KAZN: variants seen among roughly 807,000 people sequenced by gnomAD.
The protein encoded by KAZN is kazrin.
KAZN carries 40 observed loss-of-function variants against 87.4 expected under a neutral mutation model. The ratio of observed to expected loss-of-function variants is 0.46; its 90% CI spans 0.36 to 0.60. The LOEUF is 0.60. Ranked by LOEUF, KAZN falls within the 20% of genes least tolerant of loss-of-function variation. The probability of loss-of-function intolerance (pLI) is 0.00; values close to 1 mark genes in which losing one functional copy is unlikely to be tolerated. For missense variants in KAZN, 898 were observed against 1,073.9 expected (o/e 0.84, Z 2.29); for synonymous variants, 466 against 458.3 (o/e 1.02, Z -0.22).
chr1:14,586,767 C>T (rs1298208638), intron 2 of KAZN, among the ~76,000 whole-genome samples: 1 of 152,042 alleles, frequency 6.6e-6, no homozygotes, highest in Admixed American at 6.6e-5. Context: ...CTCAAACTCT[C>T]GGGCTCAAGT....
At chr1:14,281,374 G>A (rs898292307) in intron 2 of KAZN, among the ~76,000 whole-genome samples, 1 of 152,220 alleles carries the variant, frequency 6.6e-6, no homozygotes, top group African/African-American at 2.4e-5. Flanking sequence ...TCAGCTGGAA[G>A]GCAAACTGCA....
intron 2 of KAZN, among the ~76,000 whole-genome samples, chr1:14,404,007 G>A (rs1026662338): frequency 6.6e-6 from 1 of 152,140 alleles, no homozygotes; most frequent in East Asian, 1.9e-4. Flanking sequence ...GAACTTGAGG[G>A]GGTGGTGTCT....
rs1645271376 is a variant in KAZN, at chr1:14,779,523, C to T, written c.226+180300C>T. On this transcript the variant is annotated intron_variant, in intron 1 of 14. Coordinates refer to ENST00000376030, the MANE Select transcript of KAZN (RefSeq NM_201628.3). ...ATATATTTACTTCTGAATTTAAGAA[C>T]CATGATGGATTGACATCGGCCCCTG... 3.3e-5 allele frequency among the ~76,000 whole-genome samples: 5 copies of T among 152,144 alleles called. No individual in the cohort carries two copies. The South Asian group carries it at 1.0e-3, about 32-fold the overall frequency.
chr1:14,991,816 T>C (rs1667388827), intron 2 of KAZN, among the ~76,000 whole-genome samples: 1 of 152,200 alleles, frequency 6.6e-6, no homozygotes, highest in Non-Finnish European at 1.5e-5. Context: ...TCTTAGCTCT[T>C]CCCAGGATCC....
In KAZN at chr1:14,568,525, C is replaced by A. The variant is rs573266348; in HGVS notation, c.250-30458C>A. Among the ~76,000 whole-genome samples, 6 of 152,226 alleles carry A rather than the reference C, an allele frequency of 3.9e-5. 1 individual carries two copies. The highest frequency in any genetic ancestry group is 1.4e-4 in the African/African-American group (6 of 41,512). On this transcript the variant is annotated intron_variant, in intron 2 of 16. Transcript: ENST00000636203. ...GAGAGAACATGTGCAGGGGAACTCCCGTTTATAAACCATCAGATCTCGTGA... is the reference window on the plus strand; with the variant it reads ...GAGAGAACATGTGCAGGGGAACTCCAGTTTATAAACCATCAGATCTCGTGA...
At chr1:14,643,140 A>T (rs1427268908) in intron 1 of KAZN, among the ~76,000 whole-genome samples, 1 of 152,150 alleles carries the variant, frequency 6.6e-6, no homozygotes. Flanking sequence ...ATGAACCATG[A>T]CTCCACAATA....
At position 14,466,673 on chromosome 1, in the gene KAZN, A is replaced by AAG. The variant is rs1553176380; in HGVS notation, c.250-132309_250-132308insGA. On this transcript the variant is annotated intron_variant, in intron 2 of 16. Coordinates refer to the KAZN transcript ENST00000636203. ...TAAAACTAAATTTAAAAAAAAAAAAAAAGAAGAAGAAACGGCCAGGCGCGG... is the reference window on the plus strand; with the variant it reads ...TAAAACTAAATTTAAAAAAAAAAAAAAGAAGAAGAAGAAACGGCCAGGCGCGG... 3.5e-5 allele frequency among the ~76,000 whole-genome samples: 5 copies of AAG among 141,700 alleles called. No individual in the cohort carries two copies. In the East Asian group the frequency reaches 1.0e-3, roughly 29 times the overall value. 93.0% of individuals were successfully genotyped at this position (141,700 alleles called of 152,430 possible).
intron 1 of KAZN, among the ~76,000 whole-genome samples, chr1:14,683,669 T>TC (rs1190341659): frequency 6.6e-6 from 1 of 152,174 alleles, no homozygotes; most frequent in Non-Finnish European, 1.5e-5. Context: ...TCTCATCTTC[T>TC]CCCCAGCTCC....
chr1:14,333,165 C>G (rs1656974776), intron 2 of KAZN, among the ~76,000 whole-genome samples: 1 of 152,108 alleles, frequency 6.6e-6, no homozygotes, highest in Non-Finnish European at 1.5e-5. Context: ...CATTAGTTTG[C>G]TGAGGAAAAT....
chr1:14,918,707 A>AATATATATATATATAT (rs201058383), intron 1 of KAZN, among the ~76,000 whole-genome samples: 5 of 24,664 alleles, frequency 2.0e-4, no homozygotes, highest in Non-Finnish European at 2.1e-4. Context: ...AAAAAAAAAA[A>AATATATATATATATAT]ATATATATAT....
intron 1 of KAZN, among the ~76,000 whole-genome samples, chr1:14,125,234 C>T (rs1446072427): frequency 6.6e-6 from 1 of 152,274 alleles, no homozygotes; most frequent in East Asian, 1.9e-4. Context: ...AAGCACCATC[C>T]TCCCCCTGCC....
chr1:14,310,185 T>C (rs1203982093), intron 2 of KAZN, among the ~76,000 whole-genome samples: 1 of 151,958 alleles, frequency 6.6e-6, no homozygotes, highest in Non-Finnish European at 1.5e-5. Context: ...AGCAGAAACA[T>C]GAGGTGAGAA....
intron 8 of KAZN, 75 bp downstream of exon 8, chr1:15,065,828 G>A: frequency 1.3e-6 from 2 of 1,582,962 alleles, no homozygotes; most frequent in East Asian, 2.3e-5. Context: ...CTGCCCGCAG[G>A]CGTGTCTGTG....
intron 2 of KAZN, among the ~76,000 whole-genome samples, chr1:14,223,913 AG>A (rs1195350345): frequency 6.6e-6 from 1 of 152,186 alleles, no homozygotes; most frequent in Non-Finnish European, 1.5e-5. Flanking sequence ...GTGATCAGCA[AG>A]GGCTAGGAAG....
At chr1:14,572,257 A>G (rs1674916498) in intron 2 of KAZN, among the ~76,000 whole-genome samples, 1 of 152,176 alleles carries the variant, frequency 6.6e-6, no homozygotes, top group Non-Finnish European at 1.5e-5. Flanking sequence ...TTCTTGATGC[A>G]GATTAATGAT....
intron 2 of KAZN, among the ~76,000 whole-genome samples, chr1:14,236,688 TG>T (rs1208847746): frequency 6.6e-6 from 1 of 151,858 alleles, no homozygotes; most frequent in African/African-American, 2.4e-5. Flanking sequence ...GAGGCAAGGG[TG>T]GGTAGATTGC....
intron 1 of KAZN, among the ~76,000 whole-genome samples, chr1:14,144,030 A>G (rs1333510399): frequency 6.6e-6 from 1 of 152,074 alleles, no homozygotes; most frequent in African/African-American, 2.4e-5. Context: ...CTAGTTTTCT[A>G]TTAATCTATC....
chr1:14,556,729 C>G (rs1445820373), intron 2 of KAZN, among the ~76,000 whole-genome samples: 1 of 152,214 alleles, frequency 6.6e-6, no homozygotes, highest in African/African-American at 2.4e-5. Context: ...AAGGGAACCC[C>G]TCTGCTCTCT....
chr1:13,975,952 C>T (rs997170336), intron 1 of KAZN, among the ~76,000 whole-genome samples: 2 of 152,234 alleles, frequency 1.3e-5, no homozygotes, highest in African/African-American at 4.8e-5. Flanking sequence ...GGCCACTTTT[C>T]CTCTGTGTTT....
Sources: gnomAD v4.1 joint callset for allele counts (sites outside exome capture counted in the v4.1 genomes callset) on GRCh38, gnomAD v4.1.1 for gene constraint, MANE v1.5 for transcripts, NCBI Gene and HGNC (gene_info 2026-07-23, HGNC 2026-07-21) for gene names.